SLC17A1: variants seen among roughly 807,000 people sequenced by gnomAD.
The protein encoded by SLC17A1 is solute carrier family 17 member 1.
In SLC17A1, 51 loss-of-function variants were observed where a neutral mutation model predicts 53.5. The observed-to-expected ratio is 0.95, with a 90% confidence interval of 0.76 to 1.20. The LOEUF (loss-of-function observed/expected upper bound fraction) is 1.20. SLC17A1 is among the 50% of genes most tolerant of loss of function. SLC17A1 has a pLI of 0.00. For synonymous variants in SLC17A1, 179 were observed against 198.8 expected (o/e 0.90, Z 0.84); for missense variants, 538 against 568.2 (o/e 0.95, Z 0.54).
intron 10 of SLC17A1, among the ~76,000 whole-genome samples, chr6:25,806,739 A>G (rs1763968218): frequency 6.6e-6 from 1 of 152,146 alleles, no homozygotes; most frequent in Non-Finnish European, 1.5e-5. Flanking sequence ...GAGTAAACAG[A>G]TAACCCACAG....
chr6:25,806,125 C>A (rs987069445), intron 10 of SLC17A1, among the ~76,000 whole-genome samples: 2 of 151,952 alleles, frequency 1.3e-5, no homozygotes, highest in Admixed American at 6.6e-5. Flanking sequence ...GAAAAATCCT[C>A]CACAAAATTC....
At chr6:25,731,997 G>T in the SLC17A1 span, 4 of 1,578,580 alleles carry the variant, frequency 2.5e-6, no homozygotes, top group Non-Finnish European at 3.5e-6. Flanking sequence ...GGCCTTGGAA[G>T]AGATTCCAGT....
chr6:25,757,188 A>G, the SLC17A1 span, among the ~76,000 whole-genome samples: 117 of 152,318 alleles, frequency 7.7e-4, no homozygotes, highest in Middle Eastern at 3.4e-3. Flanking sequence ...TCAGTTGCTT[A>G]CTTACCAGCT....
At chr6:25,795,413 G>C (rs1247111109) in intron 12 of SLC17A1, among the ~76,000 whole-genome samples, 1 of 152,192 alleles carries the variant, frequency 6.6e-6, no homozygotes, top group Non-Finnish European at 1.5e-5. Context: ...AGAAGAGTTA[G>C]AGAGCATAAG....
At chr6:25,778,639 AG>A (rs1488426564), downstream of SLC17A1, among the ~76,000 whole-genome samples, 1 of 152,234 alleles carries the variant, frequency 6.6e-6, no homozygotes, top group Non-Finnish European at 1.5e-5. Context: ...AGAAACAGAA[AG>A]AAATCTATGG....
the SLC17A1 span, chr6:25,770,513 G>A: frequency 6.3e-7 from 1 of 1,578,122 alleles, no homozygotes; most frequent in South Asian, 1.1e-5. Flanking sequence ...CACTGTCCAG[G>A]AGAACTCAGC....
chr6:25,814,027 C>T (rs1336672825), intron 6 of SLC17A1, among the ~76,000 whole-genome samples: 2 of 152,136 alleles, frequency 1.3e-5, no homozygotes, highest in East Asian at 1.9e-4. Context: ...CTATTATCAC[C>T]CAGTTTTGAC....
At chr6:25,771,102 A>T in the SLC17A1 span, 1 of 1,035,142 alleles carries the variant, frequency 9.7e-7, no homozygotes, top group Non-Finnish European at 1.5e-6. Flanking sequence ...ATAGATATGG[A>T]TATTTACATA....
At chr6:25,727,351 A>C in the SLC17A1 span, 2 of 1,425,426 alleles carry the variant, frequency 1.4e-6, no homozygotes, top group African/African-American at 1.4e-5. Flanking sequence ...ACTTAAACAT[A>C]CTGAAACAGC....
At chr6:25,727,000 G>T in the SLC17A1 span, 2 of 1,614,198 alleles carry the variant, frequency 1.2e-6, no homozygotes, top group Non-Finnish European at 1.7e-6. Context: ...GGCAAAAAGC[G>T]CAAGAGGACC....
At chr6:25,729,440 G>A in the SLC17A1 span, among the ~76,000 whole-genome samples, 1 of 152,188 alleles carries the variant, frequency 6.6e-6, no homozygotes, top group Non-Finnish European at 1.5e-5. Flanking sequence ...AGTAAAGGCA[G>A]GAAGAGTCAG....
the SLC17A1 span, chr6:25,732,075 C>T: frequency 1.4e-5 from 16 of 1,123,458 alleles, no homozygotes; most frequent in African/African-American, 3.2e-5. Flanking sequence ...GCATCTCTTG[C>T]GCTTTTTGTC....
chr6:25,798,869 A>G lies in SLC17A1; in HGVS notation c.1320T>C (p.Asn440=), dbSNP rs767998311. Reference sequence around the variant, plus strand: ...TAAGGTAGAAAATTAGGCCAGTCACATTAATGGCTGCCATCAGGATGAAGG... The same window carrying G: ...TAAGGTAGAAAATTAGGCCAGTCACGTTAATGGCTGCCATCAGGATGAAGG... ...FKTFILMAAI[N]VTGLIFYLIV... Residue 440 remains asparagine (N), a synonymous_variant, in exon 12 of 13, where the codon AAT becomes AAC. Coordinates refer to ENST00000244527, the MANE Select transcript of SLC17A1 (RefSeq NM_005074.5). 1.9e-6 allele frequency: 3 copies of G among 1,607,896 alleles called. No individual in the cohort carries two copies. Among genetic ancestry groups the G allele is most frequent in the Non-Finnish European group, 2.6e-6 (3 of 1,175,794 alleles).
the SLC17A1 span, chr6:25,732,118 G>A: frequency 2.9e-6 from 2 of 694,388 alleles, no homozygotes; most frequent in African/African-American, 1.8e-5. Context: ...CCTTCTTAAA[G>A]CCCTTTTCGG....
At chr6:25,823,571 A>G (rs1217409202) in intron 3 of SLC17A1, among the ~76,000 whole-genome samples, 2 of 152,096 alleles carry the variant, frequency 1.3e-5, no homozygotes, top group Non-Finnish European at 2.9e-5. Flanking sequence ...CAAATGATAT[A>G]CAGCATCTTT....
At chr6:25,726,869 G>A in the SLC17A1 span, 14 of 1,574,182 alleles carry the variant, frequency 8.9e-6, no homozygotes, top group Admixed American at 5.5e-5. Flanking sequence ...GTGTAACCCT[G>A]GAAAAGAACC....
the SLC17A1 span, chr6:25,769,322 A>G: frequency 1.1e-6 from 1 of 870,668 alleles, no homozygotes; most frequent in African/African-American, 1.7e-5. Context: ...TGGCACAAGT[A>G]CCTAAGTATC....
In SLC17A1 at chr6:25,812,840, A is replaced by G. The variant is rs1254538929; in HGVS notation, c.888T>C (p.Asn296=). 3 of 1,604,938 alleles carry G rather than the reference A, an allele frequency of 1.9e-6. No individual in the cohort carries two copies. Among genetic ancestry groups the G allele is most frequent in the African/African-American group, 1.3e-5 (1 of 74,466 alleles). ...PMFINSMLHV[N]IKENGFLSSL... is the part of the protein sequence containing the mutation. ...CAAATAGTATACTTACCTCTTTTAT[A>G]TTAACATGAAGCATGGAGTTGATAA... The change falls in exon 8 of 13, where the codon AAT becomes AAC. Residue 296 remains asparagine, a synonymous_variant. Transcript: ENST00000244527.
At chr6:25,787,041 G>GAAATAAATAAAT (rs3034353) in intron 12 of SLC17A1, among the ~76,000 whole-genome samples, 3,322 of 149,420 alleles carry the variant, frequency 0.022, 46 homozygotes, top group Middle Eastern at 0.046. Flanking sequence ...GCTTAACAAG[G>GAAATAAATAAAT]AAATAAATAA....
Sources: gnomAD v4.1 joint callset for allele counts (sites outside exome capture counted in the v4.1 genomes callset) on GRCh38, gnomAD v4.1.1 for gene constraint, MANE v1.5 for transcripts, NCBI Gene and HGNC (gene_info 2026-07-23, HGNC 2026-07-21) for gene names.